Variants in SPAG17 observed in about 807,000 individuals in gnomAD.
SPAG17 encodes the protein sperm-associated antigen 17.
A neutral mutation model predicts 273.6 loss-of-function variants in SPAG17; 169 were observed. That is an observed-to-expected ratio of 0.62 (90% confidence interval 0.55 to 0.70). The LOEUF is 0.70. SPAG17 is among the 30% of genes least tolerant of loss of function. The pLI, the probability that SPAG17 is intolerant of heterozygous loss-of-function variation, is 0.00. For synonymous variants in SPAG17, 825 were observed against 873.2 expected (o/e 0.94, Z 0.97); for missense variants, 2,557 against 2,627.8 (o/e 0.97, Z 0.59).
intron 7 of SPAG17, among the ~76,000 whole-genome samples, chr1:118,095,339 C>T (rs1007004379): frequency 3.3e-5 from 5 of 152,158 alleles, no homozygotes; most frequent in Non-Finnish European, 7.3e-5. Flanking sequence ...CTTTATGCAG[C>T]CTGTGCCTGG....
Position 118,151,230 on chromosome 1 carries a change from T to TTTGA in SPAG17, c.226_227insTCAA (p.Gln76LeufsTer4). On this transcript the variant is annotated frameshift_variant and splice_region_variant, in exon 2 of 49. Transcript: ENST00000336338. LOFTEE classifies it high-confidence loss of function. ...TTTGAGGTAGGAAGGGACAGGTACCTGCTGGAGAATGTCTTGCCACGACAC... is the reference window on the plus strand; with the variant it reads ...TTTGAGGTAGGAAGGGACAGGTACCTTTGAGCTGGAGAATGTCTTGCCACGACAC... 1 of 1,577,506 alleles carries TTTGA rather than the reference T, an allele frequency of 6.3e-7. No homozygotes were observed. Among genetic ancestry groups the TTTGA allele is most frequent in the Non-Finnish European group, 8.6e-7 (1 of 1,158,316 alleles).
intron 3 of SPAG17, among the ~76,000 whole-genome samples, chr1:118,131,384 T>C (rs1462549509): frequency 1.3e-5 from 2 of 152,176 alleles, no homozygotes; most frequent in African/African-American, 4.8e-5. Context: ...AGTGTCACCA[T>C]CCAGTTTTGC....
rs770691138 is a variant in SPAG17 at position 118,081,549 on chromosome 1, T to G, written c.1856A>C (p.Lys619Thr). ...LSEVDEKGKL[K>T]PSGMMCGSDS... is the part of the protein sequence containing the mutation. ...TGACCCACACATCATCCCAGAAGGT[T>G]TCAGTTTCCCTTTTTCATCAACCTC... Residue 619 changes from lysine (K) to threonine (T), a missense_variant, in exon 14 of 49, where the codon AAA becomes ACA. Transcript: ENST00000336338. 6.2e-6 allele frequency: 10 copies of G among 1,613,902 alleles called. No individual in the cohort carries two copies. Among genetic ancestry groups the G allele is most frequent in the Non-Finnish European group, 1.7e-6 (2 of 1,180,004 alleles).
intron 32 of SPAG17, among the ~76,000 whole-genome samples, chr1:117,999,004 C>T (rs1203071141): frequency 1.3e-5 from 2 of 151,430 alleles, no homozygotes; most frequent in East Asian, 1.9e-4. Context: ...CGACAGTCCC[C>T]CATGTGTGAT....
chr1:117,971,770 G>C lies in SPAG17; in HGVS notation c.6326+93C>G. 3.9e-6 allele frequency: 4 copies of C among 1,015,780 alleles called. No individual in the cohort carries two copies. In the Admixed American group the frequency reaches 1.0e-4, roughly 26 times the overall value. 62.9% of individuals were successfully genotyped at this position (1,015,780 alleles called of 1,614,324 possible). A position where few individuals can be genotyped will look rare whatever the true frequency, so the allele number is the denominator to read the frequency against. On this transcript the variant is annotated intron_variant, in intron 45 of 48. Transcript: ENST00000336338. Reference sequence around the variant, plus strand: ...AAGATTCAAGGAGTAATTACAGTTCGGTTCAATAAACATTTATTGATGGAG... The same window carrying C: ...AAGATTCAAGGAGTAATTACAGTTCCGTTCAATAAACATTTATTGATGGAG...
In SPAG17 at chr1:117,954,283, C is replaced by T. The variant is rs142060110; in HGVS notation, c.*1-234G>A. On this transcript the variant is annotated intron_variant, in intron 48 of 48. Transcript: ENST00000336338. ...GAAGGGAACTTGGTCTTAATGAAAGCGAAGGAAAGGAAATTACAGATTGAG... is the reference window on the plus strand; with the variant it reads ...GAAGGGAACTTGGTCTTAATGAAAGTGAAGGAAAGGAAATTACAGATTGAG... Among the ~76,000 whole-genome samples, 447 of 151,956 alleles carry T rather than the reference C, an allele frequency of 2.9e-3. 1 individual carries two copies. Among genetic ancestry groups the T allele is most frequent in the African/African-American group, 9.5e-3 (393 of 41,498 alleles).
intron 5 of SPAG17, among the ~76,000 whole-genome samples, chr1:118,100,247 C>T (rs1011106493): frequency 1.3e-5 from 2 of 152,076 alleles, no homozygotes; most frequent in African/African-American, 4.8e-5. Context: ...TGGACATGCT[C>T]CCTTAAAAAG....
At chr1:118,052,113 A>G (rs940800341) in intron 20 of SPAG17, among the ~76,000 whole-genome samples, 8 of 143,776 alleles carry the variant, frequency 5.6e-5, no homozygotes, top group Non-Finnish European at 9.1e-5. Context: ...ATAATACAAT[A>G]TAACATAATA....
intron 35 of SPAG17, among the ~76,000 whole-genome samples, chr1:117,993,500 T>C (rs1657326530): frequency 6.6e-6 from 1 of 152,194 alleles, no homozygotes; most frequent in South Asian, 2.1e-4. Flanking sequence ...GTGTGACTTG[T>C]CCAAGATCCC....
rs753173178 is a variant in SPAG17, at chr1:118,185,106, A to G, written c.52T>C (p.Trp18Arg). 8.1e-6 allele frequency: 13 copies of G among 1,614,074 alleles called. No homozygotes were observed. In the East Asian group the frequency reaches 2.2e-4, roughly 28 times the overall value. ...GGTVNTSSKI[W>R]EPSLIAAQFN... ...TGTGCAGCTATGAGCGAGGGTTCCCATATCTTAGAACTGGTGTTCACAGTT... is the reference window on the plus strand; with the variant it reads ...TGTGCAGCTATGAGCGAGGGTTCCCGTATCTTAGAACTGGTGTTCACAGTT... Residue 18 changes from tryptophan (W) to arginine (R), a missense_variant, in exon 1 of 49, where the codon TGG becomes CGG. By Grantham distance (101) the Trp-to-Arg change is moderately radical (BLOSUM62 -3). Transcript: ENST00000336338.
chr1:118,065,419 A>C (rs912982154), intron 18 of SPAG17, among the ~76,000 whole-genome samples: 1 of 152,154 alleles, frequency 6.6e-6, no homozygotes, highest in Non-Finnish European at 1.5e-5. Flanking sequence ...AAATGAAAAA[A>C]TAAAAATAAA....
At chr1:117,983,497 A>C (rs1297052844) in intron 42 of SPAG17, among the ~76,000 whole-genome samples, 1 of 152,208 alleles carries the variant, frequency 6.6e-6, no homozygotes, top group East Asian at 1.9e-4. Context: ...TCCTCCTTAT[A>C]ATTTGTAAGT....
intron 28 of SPAG17, among the ~76,000 whole-genome samples, chr1:118,020,633 C>T (rs951895339): frequency 5.3e-5 from 8 of 151,704 alleles, no homozygotes; most frequent in South Asian, 2.1e-4. Flanking sequence ...TTATAAGGAA[C>T]GCAGCACCAA....
intron 18 of SPAG17, among the ~76,000 whole-genome samples, chr1:118,061,595 A>G (rs1028459067): frequency 6.6e-6 from 1 of 152,204 alleles, no homozygotes; most frequent in Admixed American, 6.5e-5. Flanking sequence ...GCACTTGAAG[A>G]TATGTTAAAA....
chr1:118,174,385 A>C (rs545144180), intron 1 of SPAG17, among the ~76,000 whole-genome samples: 1 of 152,322 alleles, frequency 6.6e-6, no homozygotes, highest in East Asian at 1.9e-4. Context: ...AGAGGAAATA[A>C]TCAGTGAACT....
rs569713515 is a variant in SPAG17 at position 117,978,685 on chromosome 1, C to T, written c.6004+2585G>A. On this transcript the variant is annotated intron_variant, in intron 43 of 48. Coordinates refer to ENST00000336338, the MANE Select transcript of SPAG17 (RefSeq NM_206996.4). ...ACCCACTTCACTTAGGCTTCAATCC[C>T]CTCCATGCTCTGAAACTGCCCTTGT... Among the ~76,000 whole-genome samples, 292 of 152,202 alleles carry T rather than the reference C, an allele frequency of 1.9e-3. 2 individuals carry two copies. The highest frequency in any genetic ancestry group is 6.9e-3 in the African/African-American group (285 of 41,538).
chr1:118,136,801 A>ATGTGTGTGTGTGTGTGTGTG (rs5777337), intron 3 of SPAG17, among the ~76,000 whole-genome samples: 4 of 147,148 alleles, frequency 2.7e-5, no homozygotes, highest in East Asian at 2.0e-4. Context: ...GTGTGTGTGT[A>ATGTGTGTGTGTGTGTGTGTG]TGTGTGTGTG....
rs1476230560 is a variant in SPAG17, at chr1:118,074,521, A to T, written c.2271+18T>A. Reference sequence around the variant, plus strand: ...AGATCATCTTGTCATCTACATTTTCAGAAAAATAATTCCTTACCTTTTCAT... The same window carrying T: ...AGATCATCTTGTCATCTACATTTTCTGAAAAATAATTCCTTACCTTTTCAT... On this transcript the variant is annotated intron_variant, in intron 16 of 48. Coordinates refer to ENST00000336338, the MANE Select transcript of SPAG17 (RefSeq NM_206996.4). 1 of 1,606,820 alleles carries T rather than the reference A, an allele frequency of 6.2e-7. No homozygotes were observed. Among genetic ancestry groups the T allele is most frequent in the African/African-American group, 1.3e-5 (1 of 74,780 alleles).
chr1:118,083,304 G>C (rs1241760266), intron 13 of SPAG17, among the ~76,000 whole-genome samples: 1 of 152,106 alleles, frequency 6.6e-6, no homozygotes, highest in Non-Finnish European at 1.5e-5. Context: ...CAGTTACAAA[G>C]GCACATGATC....
Sources: gnomAD v4.1 joint callset for allele counts (sites outside exome capture counted in the v4.1 genomes callset) on GRCh38, gnomAD v4.1.1 for gene constraint, MANE v1.5 for transcripts, NCBI Gene and HGNC (gene_info 2026-07-23, HGNC 2026-07-21) for gene names.